The following DAB1 variants were observed in gnomAD, a reference collection of about 807,000 sequenced individuals.
The protein encoded by DAB1 is disabled homolog 1.
Under a neutral mutation model 64.6 loss-of-function variants are expected in DAB1, and 15 were observed. The ratio of observed to expected loss-of-function variants is 0.23; its 90% CI spans 0.16 to 0.36. The LOEUF is 0.36. Among genes scored for constraint, DAB1 ranks in the 10% least tolerant of loss-of-function variants. The probability of loss-of-function intolerance (pLI) is 1.00; values close to 1 mark genes in which losing one functional copy is unlikely to be tolerated. For synonymous variants in DAB1, 235 were observed against 251.9 expected (o/e 0.93, Z 0.64); for missense variants, 596 against 706.7 (o/e 0.84, Z 1.78).
At chr1:58,536,415 CTAAAAT>C in intron 1 of DAB1, 1 of 657,288 alleles carries the variant, frequency 1.5e-6, no homozygotes, top group Non-Finnish European at 2.7e-6. Context: ...ATATCAAAGA[CTAAAAT>C]TAAAAAACAA....
intron 1 of DAB1, among the ~76,000 whole-genome samples, chr1:57,336,886 G>A (rs903943933): frequency 2.2e-4 from 33 of 152,036 alleles, no homozygotes; most frequent in African/African-American, 9.7e-5. Flanking sequence ...GCTCAAGGTC[G>A]CCCTCCCAGC....
chr1:58,530,482 A>C (rs1185685338), intron 1 of DAB1: 2 of 612,096 alleles, frequency 3.3e-6, no homozygotes, highest in African/African-American at 1.8e-5. Context: ...GACACTAAAA[A>C]TTCGTACCCA....
chr1:57,362,983 A>G (rs890736664), intron 1 of DAB1, among the ~76,000 whole-genome samples: 2 of 152,244 alleles, frequency 1.3e-5, no homozygotes, highest in African/African-American at 2.4e-5. Context: ...GACTAAATAT[A>G]GTAAAACTCA....
At chr1:57,745,954 T>C (rs769290128) in intron 6 of DAB1, among the ~76,000 whole-genome samples, 2 of 152,230 alleles carry the variant, frequency 1.3e-5, no homozygotes, top group Non-Finnish European at 2.9e-5. Flanking sequence ...TCATGAACAG[T>C]ATTATACTGT....
chr1:57,439,418 G>GTTTTTTTTTTTTTTTTTTTTTGTTTT, intron 7 of DAB1, among the ~76,000 whole-genome samples: 1 of 116,140 alleles, frequency 8.6e-6, no homozygotes, highest in Non-Finnish European at 1.7e-5. Context: ...TGGTGATGAG[G>GTTTTTTTTTTTTTTTTTTTTTGTTTT]TTTTTTCTTT....
intron 7 of DAB1, among the ~76,000 whole-genome samples, chr1:57,619,840 T>C (rs1414343205): frequency 6.6e-6 from 1 of 151,978 alleles, no homozygotes; most frequent in Admixed American, 6.6e-5. Flanking sequence ...AGGGAGGACT[T>C]CAAGGAGGGG....
At chr1:57,460,262 G>T (rs1350012546) in intron 7 of DAB1, among the ~76,000 whole-genome samples, 1 of 152,154 alleles carries the variant, frequency 6.6e-6, no homozygotes, top group Non-Finnish European at 1.5e-5. Context: ...CCCTTGTTTG[G>T]GAGCTTTCAT....
intron 6 of DAB1, among the ~76,000 whole-genome samples, chr1:57,782,450 G>A (rs1009846668): frequency 1.3e-5 from 2 of 152,016 alleles, no homozygotes; most frequent in African/African-American, 2.4e-5. Context: ...TGCTACCCAC[G>A]ATGTCTCGAT....
chr1:57,029,817 A>G (rs1220708074), intron 9 of DAB1, among the ~76,000 whole-genome samples: 1 of 152,180 alleles, frequency 6.6e-6, no homozygotes. Context: ...CCTCCATTGT[A>G]TCTTGGAAGT....
chr1:57,917,794 C>G (rs1447557418), intron 5 of DAB1, among the ~76,000 whole-genome samples: 1 of 152,162 alleles, frequency 6.6e-6, no homozygotes, highest in Non-Finnish European at 1.5e-5. Flanking sequence ...TCCTTCGCCC[C>G]CTCTTCAGCA....
chr1:57,501,235 C>T (rs1240523343), intron 7 of DAB1, among the ~76,000 whole-genome samples: 2 of 152,186 alleles, frequency 1.3e-5, no homozygotes, highest in East Asian at 1.9e-4. Flanking sequence ...CCTGAGACCT[C>T]CTTGTAAGAA....
chr1:57,306,113 A>T (rs1026783720), intron 1 of DAB1, among the ~76,000 whole-genome samples: 1 of 152,146 alleles, frequency 6.6e-6, no homozygotes, highest in Non-Finnish European at 1.5e-5. Context: ...GATTATTCCC[A>T]TTTTGTAGTG....
chr1:57,561,366 C>T (rs1645049610), intron 7 of DAB1, among the ~76,000 whole-genome samples: 1 of 152,146 alleles, frequency 6.6e-6, no homozygotes, highest in Non-Finnish European at 1.5e-5. Flanking sequence ...TGGTTGTGCA[C>T]TGTGCATGGA....
intron 6 of DAB1, among the ~76,000 whole-genome samples, chr1:57,691,573 T>C (rs1472194674): frequency 1.3e-5 from 2 of 152,120 alleles, no homozygotes; most frequent in Non-Finnish European, 2.9e-5. Flanking sequence ...GCTGTAACAT[T>C]CACTGTGAAG....
intron 4 of DAB1, among the ~76,000 whole-genome samples, chr1:58,217,636 C>T (rs893747525): frequency 1.3e-5 from 2 of 152,136 alleles, no homozygotes; most frequent in Admixed American, 6.5e-5. Flanking sequence ...TCTTTATAAC[C>T]GCACTGGGAT....
At chr1:57,101,776 T>C (rs1417581545) in intron 4 of DAB1, among the ~76,000 whole-genome samples, 1 of 152,204 alleles carries the variant, frequency 6.6e-6, no homozygotes, top group African/African-American at 2.4e-5. Context: ...GCACTTTCTA[T>C]GTGCCAGGCA....
chr1:58,245,533 C>T (rs1660489484), intron 4 of DAB1, among the ~76,000 whole-genome samples: 1 of 152,102 alleles, frequency 6.6e-6, no homozygotes, highest in East Asian at 1.9e-4. Flanking sequence ...AGTTAGATGC[C>T]CTGCCTCTGG....
chr1:57,585,514 G>A (rs1314552463), intron 7 of DAB1, among the ~76,000 whole-genome samples: 1 of 152,098 alleles, frequency 6.6e-6, no homozygotes, highest in African/African-American at 2.4e-5. Flanking sequence ...ATGGGCATGA[G>A]CCAAGTAGTC....
At chr1:57,370,047 C>T (rs1680374070) in intron 1 of DAB1, among the ~76,000 whole-genome samples, 1 of 152,138 alleles carries the variant, frequency 6.6e-6, no homozygotes, top group Non-Finnish European at 1.5e-5. Context: ...CATCACATTC[C>T]CCGGTATCAC....
Sources: gnomAD v4.1 joint callset for allele counts (sites outside exome capture counted in the v4.1 genomes callset) on GRCh38, gnomAD v4.1.1 for gene constraint, MANE v1.5 for transcripts, NCBI Gene and HGNC (gene_info 2026-07-23, HGNC 2026-07-21) for gene names.